Variants in GFPT2 observed in about 807,000 individuals in gnomAD.
The protein encoded by GFPT2 is glutamine--fructose-6-phosphate aminotransferase [isomerizing] 2.
In GFPT2, 62 loss-of-function variants were observed where a neutral mutation model predicts 85.6. The ratio of observed to expected loss-of-function variants is 0.72; its 90% confidence interval spans 0.59 to 0.90. The LOEUF is 0.90. GFPT2 is among the 40% of genes least tolerant of loss of function. The pLI is 0.00. For missense variants in GFPT2, 788 were observed against 893.4 expected (o/e 0.88, Z 1.50); for synonymous variants, 368 against 344.5 (o/e 1.07, Z -0.75).
rs185608047 is a variant in GFPT2 at position 180,328,682 on chromosome 5, G to T, written c.535-344C>A. Reference sequence around the variant, plus strand: ...GACCAGGCTTCCCTGCCCTGCTCAGGGACAGCACCTACTCAGCAAGCCCCT... The same window carrying T: ...GACCAGGCTTCCCTGCCCTGCTCAGTGACAGCACCTACTCAGCAAGCCCCT... On this transcript the variant is annotated intron_variant, in intron 6 of 18. Coordinates refer to ENST00000253778, the MANE Select transcript of GFPT2 (RefSeq NM_005110.4). This position sits in a 1 kb window ranked among gnomAD's most constrained non-coding sequence, Gnocchi z 5.4. Among the ~76,000 whole-genome samples the T allele has an allele frequency of 2.6e-3, 395 of 152,276 alleles. 4 individuals are homozygous for T. Among genetic ancestry groups the T allele is most frequent in the Non-Finnish European group, 4.9e-4 (33 of 68,016 alleles).
chr5:180,328,256 T>C lies in GFPT2; in HGVS notation c.596+21A>G, dbSNP rs551174103. ...TATTTTCGTTCTTTCTTATGGGAAA[T>C]GCCAGTGTGTTTTGCCTCACCGTGT... is the stretch of plus-strand genomic sequence containing the variant. On this transcript the variant is annotated intron_variant, in intron 7 of 18. Coordinates refer to ENST00000253778, the MANE Select transcript of GFPT2 (RefSeq NM_005110.4). The surrounding 1 kb of genome is among the most constrained non-coding windows in gnomAD (Gnocchi z 5.4). 3.7e-5 allele frequency: 59 copies of C among 1,575,502 alleles called. 1 individual carries two copies. In the Admixed American group the frequency reaches 9.5e-4, roughly 25 times the overall value.
intron 1 of GFPT2, among the ~76,000 whole-genome samples, chr5:180,339,539 T>C (rs544265750): frequency 6.6e-6 from 1 of 152,228 alleles, no homozygotes; most frequent in Non-Finnish European, 1.5e-5. Flanking sequence ...AAGATAATTT[T>C]CCAAACAGAA....
chr5:180,312,088 AGG>A (rs1439160834), intron 15 of GFPT2, among the ~76,000 whole-genome samples: 2,827 of 74,388 alleles, frequency 0.038, 699 homozygotes, highest in African/African-American at 0.058. Context: ...AGGACCAGGG[AGG>A]CAGGGAGGCT....
intron 1 of GFPT2, chr5:180,352,639 T>C (rs1314034434): frequency 2.2e-6 from 1 of 446,432 alleles, no homozygotes; most frequent in African/African-American, 2.1e-5. Flanking sequence ...GCGACCCTTC[T>C]AGGGACCAGA....
At chr5:180,351,093 C>A (rs566701531) in intron 1 of GFPT2, among the ~76,000 whole-genome samples, 1 of 152,334 alleles carries the variant, frequency 6.6e-6, no homozygotes, top group South Asian at 2.1e-4. Flanking sequence ...TTTTCTTCTG[C>A]AGAATTTGAT....
chr5:180,336,577 C>A lies in GFPT2; in HGVS notation c.116G>T (p.Gly39Val). The change falls in exon 3 of 19, where the codon GGT becomes GTT. Residue 39 changes from glycine to valine, a missense_variant and splice_region_variant. Gly to Val is a moderately radical substitution (Grantham distance 109). Transcript: ENST00000253778. ...RLEYRGYDSA[G>V]VAIDGNNHEV... Reference sequence around the variant, plus strand: ...GTGATTATTCCCATCGATCGCCACACCTGTGATGTAGACAGCATTTGTTAT... The same window carrying A: ...GTGATTATTCCCATCGATCGCCACAACTGTGATGTAGACAGCATTTGTTAT... The A allele has an allele frequency of 6.3e-7, 1 of 1,591,108 alleles. No individual in the cohort carries two copies. The highest frequency in any genetic ancestry group is 8.6e-7 in the Non-Finnish European group (1 of 1,159,042).
At chr5:180,314,016 C>G in intron 13 of GFPT2, 52 bp from the exon 14 acceptor site, 3 of 1,511,096 alleles carry the variant, frequency 2.0e-6, no homozygotes, top group Non-Finnish European at 2.7e-6. Context: ...TCGGCCCCAC[C>G]CCAAACCCCT....
rs779679907 is a variant in GFPT2, at chr5:180,302,588, G to C, written c.1843-4C>G. The C allele has an allele frequency of 6.2e-7, 1 of 1,607,884 alleles. No homozygotes were observed. Among genetic ancestry groups the C allele is most frequent in the East Asian group, 2.2e-5 (1 of 44,682 alleles). On this transcript the variant is annotated splice_polypyrimidine_tract_variant and splice_region_variant and intron_variant, in intron 17 of 18. Transcript: ENST00000253778. ...AGCACAGTATAATGGGGCGACCCTA[G>C]AGCAGAGAAATAGCATCATAAAATA... is the stretch of plus-strand genomic sequence containing the variant.
At position 180,330,980 on chromosome 5, in the gene GFPT2, A is replaced by G; in HGVS notation, c.400-146T>C. The G allele has an allele frequency of 1.5e-6, 1 of 688,086 alleles. No individual in the cohort carries two copies. The highest frequency in any genetic ancestry group is 2.4e-6 in the Non-Finnish European group (1 of 413,666). 42.6% of individuals were successfully genotyped at this position (688,086 alleles called of 1,614,324 possible). ...CGGGAAGGGGGGAAAAATGTTTGCCAGCATCACAGCCAAATACCTCTGAGT... is the reference window on the plus strand; with the variant it reads ...CGGGAAGGGGGGAAAAATGTTTGCCGGCATCACAGCCAAATACCTCTGAGT... On this transcript the variant is annotated intron_variant, in intron 5 of 18. Transcript: ENST00000253778. This position sits in a 1 kb window ranked among gnomAD's most constrained non-coding sequence, Gnocchi z 4.4.
chr5:180,337,197 G>A (rs569625340), intron 2 of GFPT2, among the ~76,000 whole-genome samples: 1 of 152,356 alleles, frequency 6.6e-6, no homozygotes, highest in South Asian at 2.1e-4. Flanking sequence ...GCTCACGCCT[G>A]TAATCCCAGC....
At chr5:180,305,169 C>T (rs1236261241) in intron 16 of GFPT2, among the ~76,000 whole-genome samples, 1 of 152,158 alleles carries the variant, frequency 6.6e-6, no homozygotes, top group African/African-American at 2.4e-5. Context: ...GACACAACCT[C>T]TGTGTCCCCA....
chr5:180,316,283 A>G (rs1448137697), intron 13 of GFPT2, 58 bp downstream of exon 13: 2 of 1,580,058 alleles, frequency 1.3e-6, no homozygotes, highest in African/African-American at 2.7e-5. Context: ...GAAGGAGAAG[A>G]GGAGAGAGCC....
In GFPT2 at chr5:180,330,470, T is replaced by C. The variant is rs35451492; in HGVS notation, c.534+230A>G. 4.0e-3 allele frequency among the ~76,000 whole-genome samples: 610 copies of C among 152,314 alleles called. 15 individuals are homozygous for C. In the South Asian group the frequency reaches 0.067, roughly 17 times the overall value. On this transcript the variant is annotated intron_variant, in intron 6 of 18. Coordinates refer to ENST00000253778, the MANE Select transcript of GFPT2 (RefSeq NM_005110.4). This position sits in a 1 kb window ranked among gnomAD's most constrained non-coding sequence, Gnocchi z 4.4. Reference sequence around the variant, plus strand: ...TGTCACGATGAAGCAGGGCACTTTCTATTTGATGTTGACTACCCAAACCAC... The same window carrying C: ...TGTCACGATGAAGCAGGGCACTTTCCATTTGATGTTGACTACCCAAACCAC...
At chr5:180,347,298 A>T (rs772415048) in intron 1 of GFPT2, among the ~76,000 whole-genome samples, 3 of 152,230 alleles carry the variant, frequency 2.0e-5, no homozygotes, top group Non-Finnish European at 2.9e-5. Flanking sequence ...CCTTCCTACC[A>T]GCAGGAGAGC....
intron 2 of GFPT2, 141 bp downstream of exon 2, chr5:180,338,352 G>C: frequency 2.1e-6 from 1 of 487,394 alleles, no homozygotes; most frequent in Non-Finnish European, 3.7e-6. Context: ...TAACGGACAA[G>C]TGTTATTTTT....
At chr5:180,316,141 G>A (rs1291289340) in intron 13 of GFPT2, among the ~76,000 whole-genome samples, 200 bp downstream of exon 13, 6 of 150,572 alleles carry the variant, frequency 4.0e-5, no homozygotes, top group Admixed American at 2.6e-4. Flanking sequence ...GTCACCCCCT[G>A]ACTGCATGGC....
intron 2 of GFPT2, 131 bp downstream of exon 2, chr5:180,338,362 T>C (rs1764443258): frequency 2.1e-6 from 1 of 482,110 alleles, no homozygotes; most frequent in East Asian, 3.3e-5. Flanking sequence ...GTGTTATTTT[T>C]ATATTGAAAA....
At chr5:180,346,187 G>A (rs1400918440) in intron 1 of GFPT2, among the ~76,000 whole-genome samples, 1 of 152,148 alleles carries the variant, frequency 6.6e-6, no homozygotes, top group Non-Finnish European at 1.5e-5. Context: ...CCCAGGGATA[G>A]AGATGGCATC....
At position 180,313,848 on chromosome 5, in the gene GFPT2, G is replaced by C; in HGVS notation, c.1390C>G (p.His464Asp). Residue 464 changes from histidine to aspartate, a missense_variant, in exon 14 of 19, where the codon CAC becomes GAC. Physicochemically the swap from His to Asp is moderately conservative, Grantham distance 81 (BLOSUM62 -1). Coordinates refer to ENST00000253778, the MANE Select transcript of GFPT2 (RefSeq NM_005110.4). The part of the protein sequence containing the change: ...SISRETDCGV[H>D]INAGPEIGVA... ...CCGATCTCCGGCCCTGCGTTGATGTGGACGCCGCAGTCGGTCTCGCGAGAG... is the reference window on the plus strand; with the variant it reads ...CCGATCTCCGGCCCTGCGTTGATGTCGACGCCGCAGTCGGTCTCGCGAGAG... 1 of 1,594,940 alleles carries C rather than the reference G, an allele frequency of 6.3e-7. No individual in the cohort carries two copies. The highest frequency in any genetic ancestry group is 8.5e-7 in the Non-Finnish European group (1 of 1,174,048).
Sources: allele counts gnomAD v4.1 joint callset (sites outside exome capture counted in the v4.1 genomes callset), GRCh38; gene constraint gnomAD v4.1.1; non-coding constraint Gnocchi (gnomAD v3.1); transcripts MANE v1.5; gene names NCBI Gene and HGNC (gene_info 2026-07-23, HGNC 2026-07-21).